Variants in CDH13 observed in about 807,000 individuals in gnomAD.
CDH13 encodes cadherin 13, also known as cadherin-13.
In CDH13, 24 loss-of-function variants were observed where a neutral mutation model predicts 63.8. The ratio of observed to expected loss-of-function variants is 0.38; its 90% CI spans 0.27 to 0.53. The LOEUF (loss-of-function observed/expected upper bound fraction) is 0.53. Ranked by LOEUF, CDH13 falls within the 20% of genes least tolerant of loss-of-function variation. The pLI is 0.85. For missense variants in CDH13, 1,049 were observed against 903.1 expected (o/e 1.16, Z -2.07); for synonymous variants, 503 against 355.3 (o/e 1.42, Z -4.67).
intron 3 of CDH13, among the ~76,000 whole-genome samples, chr16:83,060,102 C>T (rs974125202): frequency 3.3e-5 from 5 of 152,010 alleles, no homozygotes; most frequent in Admixed American, 6.6e-5. Flanking sequence ...CCTACTTTTA[C>T]GTCTCATAAC....
intron 1 of CDH13, 24 bp downstream of exon 1, chr16:82,627,161 G>A (rs988591618): frequency 1.7e-5 from 27 of 1,590,886 alleles, no homozygotes; most frequent in Middle Eastern, 1.9e-4. Context: ...GCTGCCGGGC[G>A]CGCTCTGCGC....
chr16:83,393,414 T>C (rs893301024), intron 6 of CDH13, among the ~76,000 whole-genome samples: 1 of 152,152 alleles, frequency 6.6e-6, no homozygotes, highest in Non-Finnish European at 1.5e-5. Flanking sequence ...AAAATGATCC[T>C]TTCCCTAGAG....
chr16:82,751,669 A>G (rs1464995990), intron 1 of CDH13, among the ~76,000 whole-genome samples: 1 of 151,368 alleles, frequency 6.6e-6, no homozygotes, highest in Non-Finnish European at 1.5e-5. Flanking sequence ...AAAAAACACC[A>G]TGACAGATTG....
chr16:83,619,740 C>T (rs1909633655), intron 8 of CDH13, among the ~76,000 whole-genome samples: 1 of 152,204 alleles, frequency 6.6e-6, no homozygotes, highest in South Asian at 2.1e-4. Context: ...TAGGGCCTAC[C>T]ATAGTAGCCT....
At chr16:82,689,565 T>C (rs1351651283) in intron 1 of CDH13, among the ~76,000 whole-genome samples, 1 of 152,200 alleles carries the variant, frequency 6.6e-6, no homozygotes, top group Non-Finnish European at 1.5e-5. Flanking sequence ...GTCACTGCCA[T>C]ATTTCTTCTA....
intron 2 of CDH13, among the ~76,000 whole-genome samples, chr16:83,003,492 A>G (rs989612029): frequency 6.6e-6 from 1 of 152,232 alleles, no homozygotes; most frequent in Non-Finnish European, 1.5e-5. Flanking sequence ...CAGGTTAGTA[A>G]CATATTATCA....
chr16:82,979,655 TTG>T lies in CDH13; in HGVS notation c.158-52352_158-52351del, dbSNP rs1364574535. Among the ~76,000 whole-genome samples the T allele has an allele frequency of 7.2e-5, 11 of 152,276 alleles. No individual in the cohort carries two copies. In the East Asian group the frequency reaches 2.1e-3, roughly 29 times the overall value. ...CTGAGGCTTCCCAAGCCGTGCAGAATTGTGAGTCAATTAAACCTCTTTCCTTT... is the reference window on the plus strand; with the variant it reads ...CTGAGGCTTCCCAAGCCGTGCAGAATTGAGTCAATTAAACCTCTTTCCTTT... On this transcript the variant is annotated intron_variant, in intron 2 of 13. Transcript: ENST00000567109.
intron 5 of CDH13, among the ~76,000 whole-genome samples, chr16:83,266,135 A>AGATCAGTCAG (rs1907593424): frequency 6.6e-6 from 1 of 151,872 alleles, no homozygotes; most frequent in Non-Finnish European, 1.5e-5. Context: ...CGGGGTTTTT[A>AGATCAGTCAG]CCACATTGGC....
chr16:83,020,922 C>A (rs151082703), intron 2 of CDH13, among the ~76,000 whole-genome samples: 1 of 152,356 alleles, frequency 6.6e-6, no homozygotes, highest in East Asian at 1.9e-4. Flanking sequence ...CAAGGCCAAA[C>A]ACCCTGAAAG....
chr16:83,367,747 G>A (rs559145427), intron 6 of CDH13, among the ~76,000 whole-genome samples: 1 of 152,176 alleles, frequency 6.6e-6, no homozygotes, highest in South Asian at 2.1e-4. Context: ...AGATTGCTTT[G>A]CCTAGTCTGG....
chr16:82,732,116 TA>T (rs757990614), intron 1 of CDH13, among the ~76,000 whole-genome samples: 4 of 152,220 alleles, frequency 2.6e-5, no homozygotes, highest in Non-Finnish European at 5.9e-5. Flanking sequence ...TAATTATAGT[TA>T]AATGATGAAT....
chr16:83,042,685 CTCTAAATAAT>C (rs1917431144), intron 3 of CDH13, among the ~76,000 whole-genome samples: 1 of 152,176 alleles, frequency 6.6e-6, no homozygotes, highest in Non-Finnish European at 1.5e-5. Context: ...GGGACTGCTG[CTCTAAATAAT>C]TCCTGAAAAT....
rs1054466710 is a variant in CDH13, at chr16:83,081,042, C to T, written c.367-44343C>T. Among the ~76,000 whole-genome samples, 20 of 151,260 alleles carry T rather than the reference C, an allele frequency of 1.3e-4. No individual in the cohort carries two copies. In the East Asian group the frequency reaches 2.3e-3, roughly 18 times the overall value. ...GACTACAGGCATGCGCCACCAGGCC[C>T]GGCTAATTTTTTATTTTTAGTACAG... On this transcript the variant is annotated intron_variant, in intron 3 of 13. Transcript: ENST00000567109.
At chr16:83,751,789 A>G (rs1479343973) in intron 11 of CDH13, among the ~76,000 whole-genome samples, 1 of 152,260 alleles carries the variant, frequency 6.6e-6, no homozygotes, top group East Asian at 1.9e-4. Context: ...TGCAATATTC[A>G]GGTTTCTGGT....
intron 3 of CDH13, among the ~76,000 whole-genome samples, chr16:83,061,384 A>G (rs1258166708): frequency 6.6e-6 from 1 of 152,178 alleles, no homozygotes. Context: ...TCCCAGCATC[A>G]TGGTTTATGC....
chr16:83,729,426 A>G (rs1436700712), intron 10 of CDH13, among the ~76,000 whole-genome samples: 1 of 152,226 alleles, frequency 6.6e-6, no homozygotes, highest in African/African-American at 2.4e-5. Flanking sequence ...CAAAACAAAT[A>G]TAGGCTCATG....
intron 6 of CDH13, among the ~76,000 whole-genome samples, chr16:83,453,187 A>T (rs893866660): frequency 6.6e-6 from 1 of 152,130 alleles, no homozygotes; most frequent in Non-Finnish European, 1.5e-5. Context: ...AGACATAAGG[A>T]TTGTACAATG....
At chr16:83,464,008 G>T (rs555256581) in intron 6 of CDH13, among the ~76,000 whole-genome samples, 5 of 152,136 alleles carry the variant, frequency 3.3e-5, no homozygotes, top group Non-Finnish European at 7.4e-5. Flanking sequence ...GTGGGAGAGG[G>T]TGAGAAAGAA....
In CDH13 at chr16:83,458,893, A is replaced by G. The variant is rs143967851; in HGVS notation, c.782-27584A>G. 1.3e-3 allele frequency among the ~76,000 whole-genome samples: 203 copies of G among 152,372 alleles called. 1 individual carries two copies. The highest frequency in any genetic ancestry group is 4.7e-3 in the African/African-American group (197 of 41,588). On this transcript the variant is annotated intron_variant, in intron 6 of 13. Coordinates refer to ENST00000567109, the MANE Select transcript of CDH13 (RefSeq NM_001257.5). ...CATTGCAGCAATGAGAAAACATCCCATCATGCACTGCTTCTAGATATTGTC... is the reference window on the plus strand; with the variant it reads ...CATTGCAGCAATGAGAAAACATCCCGTCATGCACTGCTTCTAGATATTGTC...
Sources: allele counts gnomAD v4.1 joint callset (sites outside exome capture counted in the v4.1 genomes callset), GRCh38; gene constraint gnomAD v4.1.1; transcripts MANE v1.5; gene names NCBI Gene and HGNC (gene_info 2026-07-23, HGNC 2026-07-21).